C9orf85: variants seen among roughly 807,000 people sequenced by gnomAD.
C9orf85 encodes the protein chromosome 9 open reading frame 85, also known as uncharacterized protein C9orf85.
In C9orf85, 16 loss-of-function variants were observed where a neutral mutation model predicts 14.9. The ratio of observed to expected loss-of-function variants is 1.08; its 90% CI spans 0.73 to 1.63. The LOEUF (loss-of-function observed/expected upper bound fraction) is 1.63. Among genes scored for constraint, C9orf85 ranks in the 40% most tolerant of loss-of-function variants. The pLI is 0.00. For missense variants in C9orf85, 172 were observed against 186.1 expected (o/e 0.92, Z 0.44); for synonymous variants, 45 against 56.8 (o/e 0.79, Z 0.93).
At chr9:71,984,310 A>C (rs1258095691), downstream of C9orf85, 1 of 152,208 alleles carries the variant, frequency 6.6e-6, no homozygotes, top group African/African-American at 2.4e-5. Context: ...TTTTTTAAAT[A>C]TCTTACATGA....
At position 71,971,652 on chromosome 9, in the gene C9orf85, T is replaced by C. The variant is rs772998982; in HGVS notation, c.323+34T>C. The C allele has an allele frequency of 2.2e-6, 3 of 1,350,772 alleles. No homozygotes were observed. In the East Asian group the frequency reaches 6.9e-5, roughly 31 times the overall value. The allele number at this position is 1,350,772 out of a possible 1,614,324, so 83.7% of individuals were successfully genotyped here. Reference sequence around the variant, plus strand: ...TTCCTTTTATGTTTGAATTTTACTCTTAGTGATTGATACATGAATTTCTTT... The same window carrying C: ...TTCCTTTTATGTTTGAATTTTACTCCTAGTGATTGATACATGAATTTCTTT... On this transcript the variant is annotated intron_variant, in intron 3 of 3. Coordinates refer to ENST00000334731, the MANE Select transcript of C9orf85 (RefSeq NM_182505.5).
At chr9:71,938,620 A>T (rs1589254748) in intron 1 of C9orf85, among the ~76,000 whole-genome samples, 1 of 148,178 alleles carries the variant, frequency 6.7e-6, no homozygotes, top group African/African-American at 2.6e-5. Context: ...CTTAATAAAG[A>T]AGTAGTACAC....
chr9:71,947,389 G>A (rs1822127947), intron 2 of C9orf85, among the ~76,000 whole-genome samples: 1 of 152,104 alleles, frequency 6.6e-6, no homozygotes, highest in South Asian at 2.1e-4. Context: ...GGGCTGAGAA[G>A]AGAGTATTTG....
chr9:71,945,275 T>G (rs1330603572), intron 1 of C9orf85, among the ~76,000 whole-genome samples: 1 of 152,238 alleles, frequency 6.6e-6, no homozygotes, highest in African/African-American at 2.4e-5. Flanking sequence ...CTTAGCTAGC[T>G]TTGTCCATGA....
At chr9:71,936,015 A>G (rs980774928) in intron 1 of C9orf85, among the ~76,000 whole-genome samples, 1 of 151,972 alleles carries the variant, frequency 6.6e-6, no homozygotes, top group Non-Finnish European at 1.5e-5. Context: ...TATATAAGGA[A>G]GTAAAGAGAT....
chr9:71,946,416 A>G (rs984871809), intron 1 of C9orf85, among the ~76,000 whole-genome samples: 5 of 152,230 alleles, frequency 3.3e-5, no homozygotes, highest in Non-Finnish European at 7.3e-5. Context: ...TATAACTTAC[A>G]TACTATGAAA....
At chr9:71,964,494 C>T (rs561865140) in intron 2 of C9orf85, among the ~76,000 whole-genome samples, 16 of 152,100 alleles carry the variant, frequency 1.1e-4, no homozygotes, top group Admixed American at 8.5e-4. Flanking sequence ...CCACCGGGAG[C>T]AATAAACAAC....
chr9:71,975,396 G>A (rs1049045861), downstream of C9orf85, among the ~76,000 whole-genome samples: 5 of 149,620 alleles, frequency 3.3e-5, no homozygotes, highest in African/African-American at 9.9e-5. Context: ...AGCCAAGATC[G>A]CGCCATTGCA....
At chr9:71,971,426 A>T in intron 2 of C9orf85, 79 bp from the exon 3 acceptor site, 1 of 765,812 alleles carries the variant, frequency 1.3e-6, no homozygotes, top group Non-Finnish European at 1.9e-6. Flanking sequence ...CTTTTTAACT[A>T]TACATTTAGA....
Position 71,911,676 on chromosome 9 carries a change from GT to G in C9orf85, c.-55del. The G allele has an allele frequency of 6.8e-7, 1 of 1,465,860 alleles. No homozygotes were observed. The highest frequency in any genetic ancestry group is 1.4e-5 in the African/African-American group (1 of 72,006). 90.8% of individuals were successfully genotyped at this position (1,465,860 alleles called of 1,614,324 possible). The stretch of plus-strand genomic sequence containing the variant: ...GTCAATTCCTGGGAGTAGTTCGTTG[GT>G]TTTCTTTCCCCTCATCCTTTTGCCT... On this transcript the variant is annotated 5_prime_UTR_variant, in exon 1 of 4. Transcript: ENST00000334731.
chr9:71,933,959 T>G (rs1256571268), intron 1 of C9orf85, among the ~76,000 whole-genome samples: 1 of 152,158 alleles, frequency 6.6e-6, no homozygotes, highest in Non-Finnish European at 1.5e-5. Context: ...ACCTGTGTGC[T>G]CCCATTTCAA....
downstream of C9orf85, among the ~76,000 whole-genome samples, chr9:71,977,021 A>C (rs1823015880): frequency 6.6e-6 from 1 of 152,178 alleles, no homozygotes. Context: ...TGATGTCTAG[A>C]GCTTGCAGCC....
At chr9:71,975,887 A>G (rs1011427798), downstream of C9orf85, among the ~76,000 whole-genome samples, 1 of 152,188 alleles carries the variant, frequency 6.6e-6, no homozygotes, top group African/African-American at 2.4e-5. Flanking sequence ...TTTTGCATAT[A>G]AACTTCTTTT....
chr9:71,918,784 C>G (rs542196775), intron 1 of C9orf85, among the ~76,000 whole-genome samples: 2 of 152,058 alleles, frequency 1.3e-5, no homozygotes, highest in South Asian at 4.1e-4. Context: ...CGTCTAGTTG[C>G]AGGAAAAAAG....
downstream of C9orf85, chr9:71,983,935 A>G (rs1823155259): frequency 6.6e-6 from 1 of 152,226 alleles, no homozygotes; most frequent in Non-Finnish European, 1.5e-5. Flanking sequence ...ATGTAAATAA[A>G]CAAACATGCT....
intron 1 of C9orf85, among the ~76,000 whole-genome samples, chr9:71,912,434 C>T (rs757426832): frequency 3.9e-5 from 6 of 152,108 alleles, no homozygotes; most frequent in Non-Finnish European, 8.8e-5. Flanking sequence ...AGCCAGAGGA[C>T]TTGGGTTGTA....
intron 1 of C9orf85, among the ~76,000 whole-genome samples, chr9:71,930,051 G>T (rs1389203974): frequency 6.6e-6 from 1 of 151,116 alleles, no homozygotes; most frequent in East Asian, 2.0e-4. Flanking sequence ...TAGACATGTG[G>T]TTTGTAGATT....
intron 1 of C9orf85, among the ~76,000 whole-genome samples, chr9:71,930,167 C>G (rs926990058): frequency 6.6e-6 from 1 of 151,524 alleles, no homozygotes; most frequent in Non-Finnish European, 1.5e-5. Context: ...ATAATTCTTC[C>G]CTAAGAATGC....
At chr9:71,934,263 G>A (rs1294243738) in intron 1 of C9orf85, among the ~76,000 whole-genome samples, 1 of 152,062 alleles carries the variant, frequency 6.6e-6, no homozygotes, top group African/African-American at 2.4e-5. Context: ...AGAATCACTT[G>A]AACTGCACTC....
Sources: gnomAD v4.1 joint callset for allele counts (sites outside exome capture counted in the v4.1 genomes callset) on GRCh38, gnomAD v4.1.1 for gene constraint, MANE v1.5 for transcripts, NCBI Gene and HGNC (gene_info 2026-07-23, HGNC 2026-07-21) for gene names.